RIC3: variants seen among roughly 807,000 people sequenced by gnomAD.
The protein encoded by RIC3 is RIC3 acetylcholine receptor chaperone.
Under a neutral mutation model 27.3 loss-of-function variants are expected in RIC3, and 28 were observed. The observed-to-expected ratio is 1.02, with a 90% CI of 0.76 to 1.41. RIC3 has a LOEUF of 1.41. Among genes scored for constraint, RIC3 ranks in the 40% most tolerant of loss-of-function variants. The pLI, the probability that RIC3 is intolerant of heterozygous loss-of-function variation, is 0.00. For synonymous variants in RIC3, 184 were observed against 160.4 expected (o/e 1.15, Z -1.11); for missense variants, 501 against 444.7 (o/e 1.13, Z -1.14).
chr11:8,099,053 C>A, the RIC3 span, among the ~76,000 whole-genome samples: 3 of 152,094 alleles, frequency 2.0e-5, no homozygotes, highest in African/African-American at 7.2e-5. Flanking sequence ...CTCCTCCTGA[C>A]TTCAGAGCTC....
chr11:8,097,432 T>C, the RIC3 span: 4 of 1,614,134 alleles, frequency 2.5e-6, no homozygotes, highest in Non-Finnish European at 3.4e-6. Flanking sequence ...GAAGGTAAGG[T>C]TGGTCTGGGC....
chr11:8,096,445 G>A, the RIC3 span, among the ~76,000 whole-genome samples: 1 of 152,164 alleles, frequency 6.6e-6, no homozygotes, highest in Admixed American at 6.5e-5. Context: ...TATATCCTGA[G>A]GATTGTGGCC....
rs186221792 is a variant in RIC3, at chr11:8,115,295, C to T, written c.671-4158G>A. ...TGGGATAATATATTCAAAATGCTTA[C>T]GGAAAACAAAAACAAAAACAAAAAA... is the stretch of plus-strand genomic sequence containing the variant. On this transcript the variant is annotated intron_variant, in intron 5 of 5. Coordinates refer to ENST00000309737, the MANE Select transcript of RIC3 (RefSeq NM_001206671.4). Among the ~76,000 whole-genome samples the T allele has an allele frequency of 1.7e-4, 25 of 149,222 alleles. 1 individual carries two copies. Among genetic ancestry groups the T allele is most frequent in the African/African-American group, 5.2e-4 (21 of 40,496 alleles).
Position 8,108,966 on chromosome 11 carries a change from T to A in RIC3, c.*1732A>T, listed in dbSNP as rs1307219158. On this transcript the variant is annotated 3_prime_UTR_variant, in exon 6 of 6. Coordinates refer to ENST00000309737, the MANE Select transcript of RIC3 (RefSeq NM_001206671.4). ...ATTTATCTAAACAGTAAAGAGCACC[T>A]GTTATTTTTCACCTTTCGTGTACAA... The A allele has an allele frequency of 6.6e-6, 1 of 152,250 alleles. No homozygotes were observed. Among genetic ancestry groups the A allele is most frequent in the Non-Finnish European group, 1.5e-5 (1 of 68,044 alleles). 9.4% of individuals were successfully genotyped at this position (152,250 alleles called of 1,614,324 possible).
chr11:8,144,268 G>A (rs1431078045), intron 1 of RIC3, among the ~76,000 whole-genome samples: 41 of 148,222 alleles, frequency 2.8e-4, no homozygotes, highest in South Asian at 8.6e-4. Context: ...GAAAATTTTC[G>A]CAACCTACTC....
At chr11:8,142,418 A>T (rs1949184366) in intron 1 of RIC3, among the ~76,000 whole-genome samples, 1 of 151,828 alleles carries the variant, frequency 6.6e-6, no homozygotes, top group Admixed American at 6.6e-5. Context: ...AAAAAACTAG[A>T]AAATCTAGAA....
chr11:8,160,056 CAT>C (rs1590391869), intron 1 of RIC3, among the ~76,000 whole-genome samples: 1 of 152,054 alleles, frequency 6.6e-6, no homozygotes, highest in East Asian at 1.9e-4. Context: ...AAAATTATAA[CAT>C]GGTGGGAAAA....
At chr11:8,102,656 T>C (rs1944356499), downstream of RIC3, 2 of 152,236 alleles carry the variant, frequency 1.3e-5, no homozygotes, top group Admixed American at 6.5e-5. Context: ...AGCCAAGTCA[T>C]GGTTGGTAAC....
intron 1 of RIC3, among the ~76,000 whole-genome samples, chr11:8,151,512 G>A (rs1235752416): frequency 1.4e-5 from 2 of 143,872 alleles, no homozygotes; most frequent in Non-Finnish European, 3.0e-5. Flanking sequence ...CGTGAACCCG[G>A]GAGGCGGAGC....
intron 1 of RIC3, among the ~76,000 whole-genome samples, chr11:8,151,113 C>A (rs1310027211): frequency 2.6e-5 from 4 of 152,126 alleles, no homozygotes; most frequent in Non-Finnish European, 5.9e-5. Context: ...ACCAAAAGCA[C>A]AAACAACAAA....
intron 1 of RIC3, among the ~76,000 whole-genome samples, chr11:8,147,244 T>C (rs1949779210): frequency 6.6e-6 from 1 of 152,202 alleles, no homozygotes. Flanking sequence ...CATGTCTCCC[T>C]AAAATGTATA....
intron 1 of RIC3, among the ~76,000 whole-genome samples, chr11:8,153,113 A>C (rs868545290): frequency 6.6e-6 from 1 of 152,214 alleles, no homozygotes; most frequent in African/African-American, 2.4e-5. Flanking sequence ...AAAGTAAAAA[A>C]TACTATTTTC....
chr11:8,113,799 TTCAGACACATCCA>T (rs1220750982), intron 5 of RIC3, among the ~76,000 whole-genome samples: 9 of 152,054 alleles, frequency 5.9e-5, no homozygotes, highest in Admixed American at 3.9e-4. Context: ...GAACCTAGCC[TTCAGACACATCCA>T]TCAGACTCAG....
intron 1 of RIC3, among the ~76,000 whole-genome samples, chr11:8,168,268 A>G (rs1951914615): frequency 6.6e-6 from 1 of 152,172 alleles, no homozygotes; most frequent in Non-Finnish European, 1.5e-5. Flanking sequence ...ACAGATAAAT[A>G]CTGTTTCAAT....
intron 1 of RIC3, among the ~76,000 whole-genome samples, chr11:8,149,118 G>A (rs903501747): frequency 9.9e-5 from 15 of 151,586 alleles, no homozygotes; most frequent in Non-Finnish European, 1.8e-4. Context: ...ACATGAATCC[G>A]GGAGGCGGAG....
At chr11:8,115,223 G>A (rs1222919875) in intron 5 of RIC3, among the ~76,000 whole-genome samples, 1 of 151,748 alleles carries the variant, frequency 6.6e-6, no homozygotes, top group East Asian at 1.9e-4. Context: ...CATTATAAGG[G>A]AGTTCTAACA....
chr11:8,162,109 G>A (rs1218904103), intron 1 of RIC3, among the ~76,000 whole-genome samples: 1 of 152,220 alleles, frequency 6.6e-6, no homozygotes, highest in Admixed American at 6.5e-5. Flanking sequence ...CTACCACCCT[G>A]AGAGGGCAGC....
chr11:8,156,911 A>G (rs991971754), intron 1 of RIC3, among the ~76,000 whole-genome samples: 2 of 152,194 alleles, frequency 1.3e-5, no homozygotes, highest in Non-Finnish European at 2.9e-5. Context: ...AAAACAGGTA[A>G]CATTTTCCAC....
chr11:8,145,989 A>G (rs1949638474), intron 1 of RIC3, among the ~76,000 whole-genome samples: 1 of 152,340 alleles, frequency 6.6e-6, no homozygotes, highest in East Asian at 1.9e-4. Context: ...GTGATATTAC[A>G]TATGTACACA....
Sources: gnomAD v4.1 joint callset for allele counts (sites outside exome capture counted in the v4.1 genomes callset) on GRCh38, gnomAD v4.1.1 for gene constraint, MANE v1.5 for transcripts, NCBI Gene and HGNC (gene_info 2026-07-23, HGNC 2026-07-21) for gene names.